Variants in GRIN2A observed in about 807,000 individuals in gnomAD.
GRIN2A encodes glutamate receptor ionotropic, NMDA 2A.
GRIN2A carries 22 observed loss-of-function variants against 113.4 expected under a neutral mutation model. The ratio of observed to expected loss-of-function variants is 0.19; its 90% CI spans 0.14 to 0.28. The LOEUF (loss-of-function observed/expected upper bound fraction) is 0.28, where lower values mean the gene tolerates loss of function less well. Among genes scored for constraint, GRIN2A ranks in the 10% least tolerant of loss-of-function variants. The pLI, the probability that GRIN2A is intolerant of heterozygous loss-of-function variation, is 1.00. For missense variants in GRIN2A, 1,502 were observed against 1,887.0 expected (o/e 0.80, Z 3.78); for synonymous variants, 827 against 738.4 (o/e 1.12, Z -1.94).
chr16:9,941,501 C>T (rs958154025), intron 2 of GRIN2A, among the ~76,000 whole-genome samples: 1 of 152,228 alleles, frequency 6.6e-6, no homozygotes, highest in African/African-American at 2.4e-5. Flanking sequence ...AAAACCCTTG[C>T]TTTGTGCTGT....
chr16:10,135,006 G>T (rs1276725980), intron 2 of GRIN2A, among the ~76,000 whole-genome samples: 1 of 152,080 alleles, frequency 6.6e-6, no homozygotes, highest in East Asian at 1.9e-4. Context: ...CCTAATTTTA[G>T]CATCTTTTGC....
chr16:9,791,869 C>T lies in GRIN2A; in HGVS notation c.2356+6408G>A, dbSNP rs570781475. Reference sequence around the variant, plus strand: ...GAGAAAGTGAGTTCTCCATTGACTTCCAAGGCTCCCCCACTCCAAGATCTG... The same window carrying T: ...GAGAAAGTGAGTTCTCCATTGACTTTCAAGGCTCCCCCACTCCAAGATCTG... On this transcript the variant is annotated intron_variant, in intron 11 of 12. Transcript: ENST00000330684. Among the ~76,000 whole-genome samples, 379 of 152,172 alleles carry T rather than the reference C, an allele frequency of 2.5e-3. 1 individual carries two copies. Among genetic ancestry groups the T allele is most frequent in the Non-Finnish European group, 4.0e-3 (273 of 68,014 alleles).
intron 3 of GRIN2A, among the ~76,000 whole-genome samples, chr16:9,926,305 C>T (rs906631429): frequency 1.3e-5 from 2 of 152,150 alleles, no homozygotes; most frequent in African/African-American, 4.8e-5. Flanking sequence ...TTTTGAAAGC[C>T]AAGTTCATTT....
At chr16:9,967,788 G>A (rs112158247) in intron 2 of GRIN2A, among the ~76,000 whole-genome samples, 63 of 152,192 alleles carry the variant, frequency 4.1e-4, no homozygotes, top group African/African-American at 1.4e-3. Context: ...GACTACAATA[G>A]TTAGTAGTCT....
intron 2 of GRIN2A, among the ~76,000 whole-genome samples, chr16:9,988,945 A>G (rs2046042021): frequency 6.6e-6 from 1 of 152,186 alleles, no homozygotes. Context: ...TGAAGACTTG[A>G]TATCTTGGTC....
intron 5 of GRIN2A, among the ~76,000 whole-genome samples, chr16:9,844,462 C>T (rs767495189): frequency 2.0e-5 from 3 of 152,166 alleles, no homozygotes; most frequent in Non-Finnish European, 4.4e-5. Flanking sequence ...CCTATTACAG[C>T]CCTTGTGTGG....
At chr16:9,813,257 C>T (rs567795544) in intron 10 of GRIN2A, among the ~76,000 whole-genome samples, 1 of 152,290 alleles carries the variant, frequency 6.6e-6, no homozygotes, top group South Asian at 2.1e-4. Context: ...GAACTGTCTA[C>T]TTTAATTGAG....
chr16:10,180,639 T>A lies in GRIN2A; in HGVS notation c.-18-210A>T, dbSNP rs779499753. On this transcript the variant is annotated intron_variant, in intron 1 of 12. Transcript: ENST00000330684. This position sits in a 1 kb window ranked among gnomAD's most constrained non-coding sequence, Gnocchi z 7.0. Reference sequence around the variant, plus strand: ...TATCCACAACTCCAATTCGAGCTAATTCTCCATCCCCCAGCCCCTTCTCGC... The same window carrying A: ...TATCCACAACTCCAATTCGAGCTAAATCTCCATCCCCCAGCCCCTTCTCGC... 1.6e-5 allele frequency: 13 copies of A among 798,736 alleles called. No homozygotes were observed. The highest frequency in any genetic ancestry group is 1.5e-5 in the Non-Finnish European group (8 of 518,424). 49.5% of individuals were successfully genotyped at this position (798,736 alleles called of 1,614,324 possible).
intron 2 of GRIN2A, among the ~76,000 whole-genome samples, chr16:10,085,693 G>C (rs1324291838): frequency 6.6e-6 from 1 of 152,128 alleles, no homozygotes; most frequent in Non-Finnish European, 1.5e-5. Context: ...GCCTGTTTCT[G>C]TTTAACCCTT....
chr16:10,030,321 C>T (rs1256587413), intron 2 of GRIN2A, among the ~76,000 whole-genome samples: 1 of 152,080 alleles, frequency 6.6e-6, no homozygotes, highest in African/African-American at 2.4e-5. Context: ...TTTCCTATGC[C>T]CTTCTCTGCT....
intron 2 of GRIN2A, among the ~76,000 whole-genome samples, chr16:9,943,635 A>G (rs2044944602): frequency 6.6e-6 from 1 of 152,210 alleles, no homozygotes; most frequent in Non-Finnish European, 1.5e-5. Flanking sequence ...CATAACACTC[A>G]TGGATGGCAT....
At chr16:9,975,364 C>T (rs1210742525) in intron 2 of GRIN2A, among the ~76,000 whole-genome samples, 1 of 152,174 alleles carries the variant, frequency 6.6e-6, no homozygotes, top group East Asian at 1.9e-4. Context: ...CCCTGAAAAA[C>T]AGAGAACTTT....
chr16:10,169,134 T>C (rs990121231), intron 2 of GRIN2A, among the ~76,000 whole-genome samples: 1 of 152,110 alleles, frequency 6.6e-6, no homozygotes, highest in Non-Finnish European at 1.5e-5. Context: ...GAGATTTCCC[T>C]TCTCCAGGCT....
intron 11 of GRIN2A, among the ~76,000 whole-genome samples, chr16:9,780,772 G>C (rs1901890980): frequency 1.3e-5 from 2 of 152,206 alleles, no homozygotes; most frequent in Admixed American, 1.3e-4. Context: ...TTTTACTTTG[G>C]GGGTTAAGTG....
intron 2 of GRIN2A, among the ~76,000 whole-genome samples, chr16:9,979,785 C>CTATATATAATATATATATATATA (rs2045852868): frequency 8.2e-6 from 1 of 122,348 alleles, no homozygotes; most frequent in Non-Finnish European, 1.7e-5. Context: ...GACTATGGGA[C>CTATATATAATATATATATATATA]TATATATATA....
chr16:10,154,204 T>C lies in GRIN2A; in HGVS notation c.414+25794A>G, dbSNP rs143957252. On this transcript the variant is annotated intron_variant, in intron 2 of 12. Transcript: ENST00000330684. Reference sequence around the variant, plus strand: ...CCACAACAACCAGCCATGCTCCATCTGGGCCCACAAGTGAGGCGATATGGC... The same window carrying C: ...CCACAACAACCAGCCATGCTCCATCCGGGCCCACAAGTGAGGCGATATGGC... 1.9e-3 allele frequency among the ~76,000 whole-genome samples: 286 copies of C among 152,264 alleles called. 3 individuals are homozygous for C. The highest frequency in any genetic ancestry group is 3.1e-3 in the Non-Finnish European group (214 of 68,028).
rs2141131787 is a variant in GRIN2A, at chr16:9,764,063, C to A, written c.3481G>T (p.Gly1161Trp). ...YQDPSENFRK[G>W]DSTLPMNRNP... ...CGGTTCATTGGCAGCGTGGAGTCCC[C>A]CTTGCGGAAGTTTTCACTGGGATCC... The change falls in exon 13 of 13, where the codon GGG (glycine) becomes TGG (tryptophan). Residue 1161 changes from glycine (G) to tryptophan (W), a missense_variant. Gly to Trp is a radical substitution (Grantham distance 184). This residue lies in a region of GRIN2A where 832 missense variants were observed against 789.7 expected (regional missense o/e 1.05). Coordinates refer to ENST00000330684, the MANE Select transcript of GRIN2A (RefSeq NM_001134407.3). The A allele has an allele frequency of 6.2e-7, 1 of 1,613,628 alleles. No individual in the cohort carries two copies. The highest frequency in any genetic ancestry group is 8.5e-7 in the Non-Finnish European group (1 of 1,179,654).
chr16:10,098,605 C>T (rs997633949), intron 2 of GRIN2A, among the ~76,000 whole-genome samples: 3 of 152,126 alleles, frequency 2.0e-5, no homozygotes, highest in African/African-American at 7.2e-5. Flanking sequence ...TGTATATATA[C>T]ACGATGGAAT....
chr16:10,020,895 A>T (rs2046708217), intron 2 of GRIN2A, among the ~76,000 whole-genome samples: 1 of 152,222 alleles, frequency 6.6e-6, no homozygotes, highest in South Asian at 2.1e-4. Flanking sequence ...CAGTCTGGAC[A>T]GACAACTGAG....
Sources: allele counts gnomAD v4.1 joint callset (sites outside exome capture counted in the v4.1 genomes callset), GRCh38; gene constraint gnomAD v4.1.1; regional missense constraint gnomAD v4.1.1; non-coding constraint Gnocchi (gnomAD v3.1); transcripts MANE v1.5; gene names NCBI Gene and HGNC (gene_info 2026-07-23, HGNC 2026-07-21).